Variants in ESR1 observed in about 807,000 individuals in gnomAD.
ESR1 encodes the protein estrogen receptor.
Under a neutral mutation model 52.7 loss-of-function variants are expected in ESR1, and 12 were observed. The observed-to-expected ratio is 0.23, with a 90% CI of 0.15 to 0.37. ESR1 has a LOEUF of 0.37. ESR1 is among the 10% of genes least tolerant of loss of function. The probability of loss-of-function intolerance (pLI) is 1.00; values close to 1 mark genes in which losing one functional copy is unlikely to be tolerated. For missense variants in ESR1, 584 were observed against 779.7 expected (o/e 0.75, Z 2.99); for synonymous variants, 305 against 316.8 (o/e 0.96, Z 0.39).
intron 2 of ESR1, among the ~76,000 whole-genome samples, chr6:151,848,391 G>A: frequency 7.6e-6 from 1 of 131,568 alleles, no homozygotes; most frequent in African/African-American, 2.9e-5. Context: ...TGACGAGTTA[G>A]TGGGTGCAGC....
At chr6:151,802,720 G>A (rs1777384476), upstream of ESR1, among the ~76,000 whole-genome samples, 1 of 152,214 alleles carries the variant, frequency 6.6e-6, no homozygotes, top group African/African-American at 2.4e-5. Context: ...CGGGCGTGAT[G>A]GCTCATGCCT....
In ESR1 at chr6:151,732,522, ATGTGTGTGTGTTTGTG is replaced by A. The variant is rs578183310; in HGVS notation, c.-71+30529_-71+30544del. Among the ~76,000 whole-genome samples, 7 of 130,716 alleles carry A rather than the reference ATGTGTGTGTGTTTGTG, an allele frequency of 5.4e-5. No individual in the cohort carries two copies. In the South Asian group the frequency reaches 1.4e-3, roughly 26 times the overall value. 85.8% of individuals were successfully genotyped at this position (130,716 alleles called of 152,430 possible). ...AAATAGGGTTCCTTTATGTTTGTGT[ATGTGTGTGTGTTTGTG>A]TGTGTGTGTGTGTGTGTGTGATTTT... On this transcript the variant is annotated intron_variant, in intron 2 of 2. Coordinates refer to the ESR1 transcript ENST00000404742.
intron 1 of ESR1, among the ~76,000 whole-genome samples, chr6:151,827,622 C>T (rs1562449038): frequency 6.6e-6 from 1 of 152,112 alleles, no homozygotes; most frequent in African/African-American, 2.4e-5. Flanking sequence ...GTCTACACTT[C>T]CAAAGGATGA....
chr6:151,712,204 T>C (rs923873201), intron 2 of ESR1, among the ~76,000 whole-genome samples: 2 of 152,208 alleles, frequency 1.3e-5, no homozygotes, highest in Admixed American at 1.3e-4. Flanking sequence ...CTGGTTTATA[T>C]ATCTGTTTTG....
At chr6:151,980,443 A>C (rs1162234148) in intron 4 of ESR1, among the ~76,000 whole-genome samples, 1 of 152,216 alleles carries the variant, frequency 6.6e-6, no homozygotes, top group African/African-American at 2.4e-5. Context: ...GAGAAGCAAT[A>C]AAGGAAACAA....
intron 6 of ESR1, among the ~76,000 whole-genome samples, chr6:152,073,943 T>G (rs2048536862): frequency 6.6e-6 from 1 of 152,204 alleles, no homozygotes; most frequent in African/African-American, 2.4e-5. Context: ...TTATTTTATT[T>G]TATTTTTAAA....
intron 5 of ESR1, among the ~76,000 whole-genome samples, chr6:152,034,636 C>G (rs1344470143): frequency 1.3e-5 from 2 of 151,976 alleles, no homozygotes; most frequent in Non-Finnish European, 2.9e-5. Flanking sequence ...AAATGTGCAA[C>G]TAACTCTTTC....
chr6:151,734,993 T>C (rs1782538392), intron 2 of ESR1, among the ~76,000 whole-genome samples: 1 of 152,192 alleles, frequency 6.6e-6, no homozygotes, highest in African/African-American at 2.4e-5. Flanking sequence ...ATTGGACTCA[T>C]TATGACTTTG....
At chr6:151,809,490 C>T (rs1055903809) in intron 1 of ESR1, among the ~76,000 whole-genome samples, 8 of 152,188 alleles carry the variant, frequency 5.3e-5, no homozygotes, top group African/African-American at 1.9e-4. Context: ...TTCAGGGCGC[C>T]ACATGGCTGG....
intron 3 of ESR1, among the ~76,000 whole-genome samples, chr6:151,934,043 C>T (rs1448597182): frequency 2.0e-5 from 3 of 152,196 alleles, no homozygotes; most frequent in African/African-American, 7.2e-5. Flanking sequence ...GAGTATAATG[C>T]AAAGCTCTCA....
chr6:151,757,580 T>G (rs1784383367), intron 2 of ESR1, among the ~76,000 whole-genome samples: 1 of 152,230 alleles, frequency 6.6e-6, no homozygotes. Context: ...CTCAAATTAC[T>G]GCTCTCTGAA....
chr6:151,664,621 A>C (rs925472570), intron 1 of ESR1, among the ~76,000 whole-genome samples: 2 of 152,182 alleles, frequency 1.3e-5, no homozygotes, highest in East Asian at 3.9e-4. Flanking sequence ...TACACACAGC[A>C]CCTGCCTGAT....
At chr6:151,789,631 G>A (rs1787336666) in intron 2 of ESR1, among the ~76,000 whole-genome samples, 1 of 152,152 alleles carries the variant, frequency 6.6e-6, no homozygotes. Flanking sequence ...TTGTTTCCCT[G>A]GAGGAAACGT....
intron 4 of ESR1, among the ~76,000 whole-genome samples, chr6:151,947,760 A>AC (rs2035872511): frequency 6.6e-6 from 1 of 152,196 alleles, no homozygotes; most frequent in Non-Finnish European, 1.5e-5. Context: ...CTTCTGGTAG[A>AC]CCTGGATAAA....
chr6:151,869,057 T>C (rs1273589221), intron 2 of ESR1, among the ~76,000 whole-genome samples: 1 of 150,758 alleles, frequency 6.6e-6, no homozygotes, highest in Non-Finnish European at 1.5e-5. Flanking sequence ...GACTTATTTA[T>C]GAGTCTGGGA....
chr6:151,939,832 ATC>A (rs545920329), intron 3 of ESR1, among the ~76,000 whole-genome samples: 5 of 152,176 alleles, frequency 3.3e-5, no homozygotes, highest in African/African-American at 1.2e-4. Context: ...TAAATTCAAA[ATC>A]TCTGTTTAAC....
intron 6 of ESR1, among the ~76,000 whole-genome samples, chr6:152,071,853 T>C (rs1425821302): frequency 6.6e-6 from 1 of 152,234 alleles, no homozygotes; most frequent in East Asian, 1.9e-4. Context: ...TCACTTTTCA[T>C]TGTTACTTTG....
upstream of ESR1, among the ~76,000 whole-genome samples, chr6:151,687,259 G>T (rs1246572609): frequency 6.6e-6 from 1 of 152,158 alleles, no homozygotes; most frequent in Non-Finnish European, 1.5e-5. Context: ...AACTTGAGTT[G>T]GTTGTTCAAG....
intron 2 of ESR1, among the ~76,000 whole-genome samples, chr6:151,759,697 C>T (rs60945108): frequency 0.042 from 6,436 of 152,244 alleles, 434 homozygotes; most frequent in African/African-American, 0.15. Flanking sequence ...ATCTTGGACA[C>T]ATTTTCATTT....
Sources: gnomAD v4.1 joint callset for allele counts (sites outside exome capture counted in the v4.1 genomes callset) on GRCh38, gnomAD v4.1.1 for gene constraint, MANE v1.5 for transcripts, NCBI Gene and HGNC (gene_info 2026-07-23, HGNC 2026-07-21) for gene names.